KDM4E: variants seen among roughly 807,000 people sequenced by gnomAD.
KDM4E encodes lysine-specific demethylase 4E.
For missense variants in KDM4E, 576 were observed against 642.6 expected (o/e 0.90, Z 1.12); for synonymous variants, 229 against 232.9 (o/e 0.98, Z 0.15).
In KDM4E at chr11:95,025,293, A is replaced by T; in HGVS notation, c.-265A>T. The T allele has an allele frequency of 2.4e-6, 1 of 413,132 alleles. No homozygotes were observed. Among genetic ancestry groups the T allele is most frequent in the Non-Finnish European group, 4.2e-6 (1 of 236,172 alleles). 25.6% of individuals were successfully genotyped at this position (413,132 alleles called of 1,614,324 possible). On this transcript the variant is annotated 5_prime_UTR_variant, in exon 1 of 1. Transcript: ENST00000450979. The stretch of plus-strand genomic sequence containing the variant: ...GAATCAGGAGAAGCCTCACAGTGAC[A>T]CCCCCAACTGAGGAAACTCACAGAG...
Position 95,026,921 on chromosome 11 carries a change from G to GTGGTCA in KDM4E, c.1369_1374dup (p.His457_Gly458dup). On this transcript the variant is annotated inframe_insertion, in exon 1 of 1. Transcript: ENST00000450979. The stretch of plus-strand genomic sequence containing the variant: ...CAAGGTCGAGGTTGCAGTCGTGGTC[G>GTGGTCA]TGGTCATGGTTGTTGTACTCGAGAA... The GTGGTCA allele has an allele frequency of 6.5e-7, 1 of 1,537,180 alleles. No homozygotes were observed.
chr11:95,027,495 C>T lies in KDM4E; in HGVS notation c.*417C>T, dbSNP rs1858286237. The stretch of plus-strand genomic sequence containing the variant: ...CAATACATGATCAATCCTCTGGATC[C>T]ACGGCTATGGAATATGGTGACAAAT... On this transcript the variant is annotated 3_prime_UTR_variant, in exon 1 of 1. Transcript: ENST00000450979. The T allele has an allele frequency of 5.5e-6, 1 of 180,692 alleles. No individual in the cohort carries two copies. The highest frequency in any genetic ancestry group is 5.3e-5 in the Admixed American group (1 of 18,910). 11.2% of individuals were successfully genotyped at this position (180,692 alleles called of 1,614,324 possible). A position where few individuals can be genotyped will look rare whatever the true frequency, so the allele number is the denominator to read the frequency against.
Position 95,026,942 on chromosome 11 carries a change from G to T in KDM4E, c.1385G>T (p.Arg462Leu). 2.6e-6 allele frequency: 4 copies of T among 1,537,206 alleles called. No individual in the cohort carries two copies. The highest frequency in any genetic ancestry group is 3.5e-6 in the Non-Finnish European group (4 of 1,146,908). ...SRGRGHGCCTRELGTEEPTVQ... is the reference protein window; with the variant it reads ...SRGRGHGCCTLELGTEEPTVQ... ...GGTCGTGGTCATGGTTGTTGTACTC[G>T]AGAACTGGGGACTGAGGAGCCAACT... Residue 462 changes from arginine (R) to leucine (L), a missense_variant, in exon 1 of 1, where the codon CGA (arginine) becomes CTA (leucine). Arg to Leu is a moderately radical substitution (Grantham distance 102). Transcript: ENST00000450979.
Position 95,027,042 on chromosome 11 carries a change from G to T in KDM4E, c.1485G>T (p.Pro495=), listed in dbSNP as rs61737594. Residue 495 remains proline, a synonymous_variant, in exon 1 of 1, where the codon CCG becomes CCT. Coordinates refer to ENST00000450979, the MANE Select transcript of KDM4E (RefSeq NM_001161630.1). ...SRAQGHRPQL[P]LANDLMTNLS... ...CTCAAGGCCACAGGCCTCAGCTCCC[G>T]CTTGCCAATGATTTGATGACAAATC... 5,046 of 1,537,066 alleles carry T rather than the reference G, an allele frequency of 3.3e-3. 126 individuals carry two copies. In the African/African-American group the frequency reaches 0.06, roughly 18 times the overall value.
chr11:95,027,267 A>C lies in KDM4E; in HGVS notation c.*189A>C. ...TCCTCCCAATGTCATTGTGCCTTTGATTAAGTTTTCCAGGGACACTGGTGG... is the reference window on the plus strand; with the variant it reads ...TCCTCCCAATGTCATTGTGCCTTTGCTTAAGTTTTCCAGGGACACTGGTGG... On this transcript the variant is annotated 3_prime_UTR_variant, in exon 1 of 1. Transcript: ENST00000450979. 1 of 829,334 alleles carries C rather than the reference A, an allele frequency of 1.2e-6. No individual in the cohort carries two copies. The highest frequency in any genetic ancestry group is 1.9e-5 in the South Asian group (1 of 52,066). The allele number at this position is 829,334 out of a possible 1,614,324, so 51.4% of individuals were successfully genotyped here. A position where few individuals can be genotyped will look rare whatever the true frequency, so the allele number is the denominator to read the frequency against.
In KDM4E at chr11:95,026,515, C is replaced by G; in HGVS notation, c.958C>G (p.Pro320Ala). 1 of 1,579,402 alleles carries G rather than the reference C, an allele frequency of 6.3e-7. No individual in the cohort carries two copies. Among genetic ancestry groups the G allele is most frequent in the Non-Finnish European group, 8.6e-7 (1 of 1,168,484 alleles). ...GESTVTFSMD[P>A]FVRIVQPESY... ...GTCGACAGTGACCTTTTCCATGGACCCCTTTGTGCGCATTGTGCAACCCGA... is the reference window on the plus strand; with the variant it reads ...GTCGACAGTGACCTTTTCCATGGACGCCTTTGTGCGCATTGTGCAACCCGA... The change falls in exon 1 of 1, where the codon CCC becomes GCC. Residue 320 changes from proline to alanine, a missense_variant. Coordinates refer to ENST00000450979, the MANE Select transcript of KDM4E (RefSeq NM_001161630.1).
Position 95,026,535 on chromosome 11 carries a change from A to C in KDM4E, c.978A>C (p.Gln326His), listed in dbSNP as rs782451941. 4.9e-5 allele frequency: 76 copies of C among 1,555,716 alleles called. No individual in the cohort carries two copies. Among genetic ancestry groups the C allele is most frequent in the Non-Finnish European group, 6.5e-5 (75 of 1,156,312 alleles). ...FSMDPFVRIV[Q>H]PESYELWKHR... ...TGGACCCCTTTGTGCGCATTGTGCA[A>C]CCCGAGAGTTATGAGCTCTGGAAAC... is the stretch of plus-strand genomic sequence containing the variant. Residue 326 changes from glutamine (Q) to histidine (H), a missense_variant, in exon 1 of 1, where the codon CAA (glutamine) becomes CAC (histidine). By Grantham distance (24) the Gln-to-His change is conservative. Transcript: ENST00000450979.
chr11:95,026,427 T>G lies in KDM4E; in HGVS notation c.870T>G (p.Ile290Met), dbSNP rs1482506034. The G allele has an allele frequency of 6.2e-7, 1 of 1,612,786 alleles. No individual in the cohort carries two copies. Among genetic ancestry groups the G allele is most frequent in the East Asian group, 2.2e-5 (1 of 44,884 alleles). ...FNHGFNCAEA[I>M]NFATPRWIDY... ...ACGGCTTCAACTGCGCAGAAGCCAT[T>G]AATTTTGCCACTCCACGATGGATTG... is the stretch of plus-strand genomic sequence containing the variant. Residue 290 changes from isoleucine to methionine, a missense_variant, in exon 1 of 1, where the codon ATT becomes ATG. Coordinates refer to ENST00000450979, the MANE Select transcript of KDM4E (RefSeq NM_001161630.1).
chr11:95,026,657 C>T lies in KDM4E; in HGVS notation c.1100C>T (p.Ala367Val). The change falls in exon 1 of 1, where the codon GCT (alanine) becomes GTT (valine). Residue 367 changes from alanine (A) to valine (V), a missense_variant. Coordinates refer to ENST00000450979, the MANE Select transcript of KDM4E (RefSeq NM_001161630.1). ...NWRDDIVLRRAALGLRLLPNL... is the reference protein window; with the variant it reads ...NWRDDIVLRRVALGLRLLPNL... The stretch of plus-strand genomic sequence containing the variant: ...AGAGATGATATAGTACTTAGAAGAG[C>T]TGCTCTGGGCCTGAGGCTTCTCCCA... 1 of 1,537,260 alleles carries T rather than the reference C, an allele frequency of 6.5e-7. No homozygotes were observed. Among genetic ancestry groups the T allele is most frequent in the South Asian group, 1.2e-5 (1 of 84,066 alleles).
rs371681614 is a variant in KDM4E, at chr11:95,027,146, GCC to G, written c.*72_*73del. The stretch of plus-strand genomic sequence containing the variant: ...GTGTCCCTGATCTTCAACTCCTGGG[GCC>G]CCCACTGGATCGTGATGAAACCATG... On this transcript the variant is annotated 3_prime_UTR_variant, in exon 1 of 1. Coordinates refer to ENST00000450979, the MANE Select transcript of KDM4E (RefSeq NM_001161630.1). 2.7e-3 allele frequency: 4,031 copies of G among 1,501,442 alleles called. 86 individuals are homozygous for G. The African/African-American group carries it at 0.049, about 18-fold the overall frequency. 93.0% of individuals were successfully genotyped at this position (1,501,442 alleles called of 1,614,324 possible).
At position 95,027,127 on chromosome 11, in the gene KDM4E, C is replaced by T; in HGVS notation, c.*49C>T. ...AAGGCTTCTGGCTGCTGCTGTGTCC[C>T]TGATCTTCAACTCCTGGGGCCCCCA... On this transcript the variant is annotated 3_prime_UTR_variant, in exon 1 of 1. Transcript: ENST00000450979. 1 of 1,517,916 alleles carries T rather than the reference C, an allele frequency of 6.6e-7. No individual in the cohort carries two copies. The highest frequency in any genetic ancestry group is 8.8e-7 in the Non-Finnish European group (1 of 1,137,184). The allele number at this position is 1,517,916 out of a possible 1,614,324, so 94.0% of individuals were successfully genotyped here.
In KDM4E at chr11:95,026,205, T is replaced by C. The variant is rs1337895868; in HGVS notation, c.648T>C (p.His216=). 4 of 1,613,944 alleles carry C rather than the reference T, an allele frequency of 2.5e-6. No individual in the cohort carries two copies. The highest frequency in any genetic ancestry group is 1.1e-5 in the South Asian group (1 of 91,070). ...PKTWYVVPPE[H]GQHLERLARE... is the part of the protein sequence containing the mutation. ...CTTGGTACGTGGTGCCCCCAGAACATGGTCAGCACCTGGAACGCCTGGCCA... is the reference window on the plus strand; with the variant it reads ...CTTGGTACGTGGTGCCCCCAGAACACGGTCAGCACCTGGAACGCCTGGCCA... Residue 216 remains histidine (H), a synonymous_variant, in exon 1 of 1, where the codon CAT becomes CAC. Coordinates refer to ENST00000450979, the MANE Select transcript of KDM4E (RefSeq NM_001161630.1).
In KDM4E at chr11:95,026,942, G is replaced by A. The variant is rs782315057; in HGVS notation, c.1385G>A (p.Arg462Gln). Residue 462 changes from arginine to glutamine, a missense_variant, in exon 1 of 1, where the codon CGA becomes CAA. Coordinates refer to ENST00000450979, the MANE Select transcript of KDM4E (RefSeq NM_001161630.1). ...GGTCGTGGTCATGGTTGTTGTACTCGAGAACTGGGGACTGAGGAGCCAACT... is the reference window on the plus strand; with the variant it reads ...GGTCGTGGTCATGGTTGTTGTACTCAAGAACTGGGGACTGAGGAGCCAACT... ...SRGRGHGCCTRELGTEEPTVQ... is the reference protein window; with the variant it reads ...SRGRGHGCCTQELGTEEPTVQ... 27 of 1,537,204 alleles carry A rather than the reference G, an allele frequency of 1.8e-5. No individual in the cohort carries two copies. The highest frequency in any genetic ancestry group is 7.3e-5 in the East Asian group (3 of 40,910).
rs1858276330 is a variant in KDM4E at position 95,026,890 on chromosome 11, C to T, written c.1333C>T (p.Gln445Ter). 1 of 1,537,084 alleles carries T rather than the reference C, an allele frequency of 6.5e-7. No individual in the cohort carries two copies. The change falls in exon 1 of 1, where the codon CAA (glutamine) becomes TAA (stop). Residue 445 changes from glutamine (Q) to a stop codon, truncating the protein, a stop_gained. Transcript: ENST00000450979. LOFTEE classifies it low-confidence loss of function (END_TRUNC). ...TTCTGGTCGTGGTCGTGGTCGTGGTCAAGGTCAAGGTCGAGGTTGCAGTCG... is the reference window on the plus strand; with the variant it reads ...TTCTGGTCGTGGTCGTGGTCGTGGTTAAGGTCAAGGTCGAGGTTGCAGTCG... ...WGSGRGRGRGQGQGRGCSRGR... is the reference protein window; with the variant it reads ...WGSGRGRGRG
Position 95,026,680 on chromosome 11 carries a change from C to T in KDM4E, c.1123C>T (p.Pro375Ser). The T allele has an allele frequency of 6.5e-7, 1 of 1,537,250 alleles. No homozygotes were observed. The highest frequency in any genetic ancestry group is 8.7e-7 in the Non-Finnish European group (1 of 1,146,922). Residue 375 changes from proline to serine, a missense_variant, in exon 1 of 1, where the codon CCA becomes TCA. Physicochemically the swap from Pro to Ser is moderately conservative, Grantham distance 74. Transcript: ENST00000450979. ...AGCTGCTCTGGGCCTGAGGCTTCTC[C>T]CAAACCTCACAGCCCAGTGTCCCAC... is the stretch of plus-strand genomic sequence containing the variant. Reference protein sequence around the residue: ...RRAALGLRLLPNLTAQCPTQP... With the variant: ...RRAALGLRLLSNLTAQCPTQP...
chr11:95,025,434 T>G lies in KDM4E; in HGVS notation c.-124T>G, dbSNP rs1858247914. On this transcript the variant is annotated 5_prime_UTR_variant, in exon 1 of 1. Coordinates refer to ENST00000450979, the MANE Select transcript of KDM4E (RefSeq NM_001161630.1). ...GTTCAAAAGTCCAAGTGTGAATTACTGTCTCACAGATAAACCAAAGTATTT... is the reference window on the plus strand; with the variant it reads ...GTTCAAAAGTCCAAGTGTGAATTACGGTCTCACAGATAAACCAAAGTATTT... 1 of 1,378,276 alleles carries G rather than the reference T, an allele frequency of 7.3e-7. No homozygotes were observed. Among genetic ancestry groups the G allele is most frequent in the Admixed American group, 2.9e-5 (1 of 34,474 alleles). The allele number at this position is 1,378,276 out of a possible 1,614,324, so 85.4% of individuals were successfully genotyped here.
rs781961781 is a variant in KDM4E at position 95,026,412 on chromosome 11, C to T, written c.855C>T (p.Asn285=). ...ATGCTGGCTTCAATCACGGCTTCAACTGCGCAGAAGCCATTAATTTTGCCA... is the reference window on the plus strand; with the variant it reads ...ATGCTGGCTTCAATCACGGCTTCAATTGCGCAGAAGCCATTAATTTTGCCA... The part of the protein sequence containing the change: ...GYHAGFNHGF[N]CAEAINFATP... Residue 285 remains asparagine, a synonymous_variant, in exon 1 of 1, where the codon AAC becomes AAT. Coordinates refer to ENST00000450979, the MANE Select transcript of KDM4E (RefSeq NM_001161630.1). The T allele has an allele frequency of 7.4e-6, 12 of 1,613,204 alleles. No individual in the cohort carries two copies. The East Asian group carries it at 2.2e-4, about 30-fold the overall frequency.
rs569061339 is a variant in KDM4E, at chr11:95,027,340, G to A, written c.*262G>A. The stretch of plus-strand genomic sequence containing the variant: ...CCAGGGACACTTGCCTGGTGAACAT[G>A]GGCAAGGCTGTAGCAATGGACCACT... On this transcript the variant is annotated 3_prime_UTR_variant, in exon 1 of 1. Coordinates refer to ENST00000450979, the MANE Select transcript of KDM4E (RefSeq NM_001161630.1). 1 of 507,216 alleles carries A rather than the reference G, an allele frequency of 2.0e-6. No individual in the cohort carries two copies. The highest frequency in any genetic ancestry group is 1.9e-5 in the African/African-American group (1 of 52,664). The allele number at this position is 507,216 out of a possible 1,614,324, so 31.4% of individuals were successfully genotyped here. A position where few individuals can be genotyped will look rare whatever the true frequency, so the allele number is the denominator to read the frequency against.
rs1555102858 is a variant in KDM4E, at chr11:95,026,461, A to G, written c.904A>G (p.Lys302Glu). 6.2e-7 allele frequency: 1 copy of G among 1,609,036 alleles called. No homozygotes were observed. Among genetic ancestry groups the G allele is most frequent in the South Asian group, 1.1e-5 (1 of 90,892 alleles). The change falls in exon 1 of 1, where the codon AAA becomes GAA. Residue 302 changes from lysine (K) to glutamate (E), a missense_variant. By Grantham distance (56) the Lys-to-Glu change is moderately conservative (BLOSUM62 1). Coordinates refer to ENST00000450979, the MANE Select transcript of KDM4E (RefSeq NM_001161630.1). ...FATPRWIDYG[K>E]MASQCSCGES... ...CACTCCACGATGGATTGATTATGGC[A>G]AAATGGCCTCTCAGTGTAGCTGTGG... is the stretch of plus-strand genomic sequence containing the variant.
Sources: allele counts gnomAD v4.1 joint callset, GRCh38; gene constraint gnomAD v4.1.1; transcripts MANE v1.5; gene names NCBI Gene and HGNC (gene_info 2026-07-23, HGNC 2026-07-21).